Variants in B3GAT1 observed in about 807,000 individuals in gnomAD.
The protein encoded by B3GAT1 is galactosylgalactosylxylosylprotein 3-beta-glucuronosyltransferase 1.
Under a neutral mutation model 28.4 loss-of-function variants are expected in B3GAT1, and 11 were observed. The observed-to-expected ratio is 0.39, with a 90% confidence interval of 0.24 to 0.64. The LOEUF (loss-of-function observed/expected upper bound fraction) is 0.64, where lower values mean the gene tolerates loss of function less well. Ranked by LOEUF, B3GAT1 falls within the 30% of genes least tolerant of loss-of-function variation. The probability of loss-of-function intolerance (pLI) is 0.50; values close to 1 mark genes in which losing one functional copy is unlikely to be tolerated. For synonymous variants in B3GAT1, 255 were observed against 223.1 expected (o/e 1.14, Z -1.27); for missense variants, 375 against 491.0 (o/e 0.76, Z 2.23).
At position 134,383,666 on chromosome 11, in the gene B3GAT1, G is replaced by C. The variant is rs773157060; in HGVS notation, c.621+14C>G. Reference sequence around the variant, plus strand: ...GCCGGAGGTCCCGCTGCTCACTGTCGGGCCCTCCCTCACCTCTTCGAAGAG... The same window carrying C: ...GCCGGAGGTCCCGCTGCTCACTGTCCGGCCCTCCCTCACCTCTTCGAAGAG... On this transcript the variant is annotated intron_variant, in intron 3 of 5. Coordinates refer to ENST00000312527, the MANE Select transcript of B3GAT1 (RefSeq NM_054025.3). The C allele has an allele frequency of 6.5e-7, 1 of 1,541,866 alleles. No homozygotes were observed. The highest frequency in any genetic ancestry group is 8.8e-7 in the Non-Finnish European group (1 of 1,140,090).
At chr11:134,389,635 AGGCAGCCTCG>A (rs1179209402) in intron 1 of B3GAT1, 2 of 152,620 alleles carry the variant, frequency 1.3e-5, no homozygotes, top group African/African-American at 4.8e-5. Flanking sequence ...TGGGGAGGGC[AGGCAGCCTCG>A]GGCAGCCCAG....
At chr11:134,395,600 G>C (rs1351269496) in intron 1 of B3GAT1, among the ~76,000 whole-genome samples, 1 of 152,060 alleles carries the variant, frequency 6.6e-6, no homozygotes, top group African/African-American at 2.4e-5. Flanking sequence ...CAGAACCCTG[G>C]AGCCCAGCCT....
chr11:134,394,058 C>T (rs997970416), intron 1 of B3GAT1, among the ~76,000 whole-genome samples: 1 of 152,168 alleles, frequency 6.6e-6, no homozygotes, highest in Non-Finnish European at 1.5e-5. Flanking sequence ...CCAGCACCAC[C>T]GCCTCCCGGG....
intron 1 of B3GAT1, among the ~76,000 whole-genome samples, chr11:134,409,150 G>A (rs977764195): frequency 6.6e-6 from 1 of 152,216 alleles, no homozygotes; most frequent in Non-Finnish European, 1.5e-5. Context: ...CTGCCAGGAA[G>A]CCGGGGCTTA....
intron 1 of B3GAT1, among the ~76,000 whole-genome samples, chr11:134,407,310 C>G (rs1481968592): frequency 6.6e-6 from 1 of 152,230 alleles, no homozygotes; most frequent in Admixed American, 6.5e-5. Context: ...AGGACCCCAG[C>G]CCACATAGCC....
At chr11:134,387,270 G>A (rs559434710) in intron 2 of B3GAT1, 35 of 383,434 alleles carry the variant, frequency 9.1e-5, no homozygotes, top group African/African-American at 6.6e-4. Flanking sequence ...GGGGCAGGGC[G>A]TGCCCCCTCC....
At chr11:134,383,575 C>T (rs1290676456) in intron 3 of B3GAT1, 105 bp downstream of exon 3, 6 of 1,395,788 alleles carry the variant, frequency 4.3e-6, no homozygotes, top group Non-Finnish European at 4.7e-6. Context: ...CCCGGCTTCC[C>T]GGGTTCCCCC....
chr11:134,409,933 T>A (rs1944819820), intron 1 of B3GAT1: 1 of 152,648 alleles, frequency 6.6e-6, no homozygotes. Flanking sequence ...CATGCTCCTG[T>A]CCGCTCAGCC....
In B3GAT1 at chr11:134,383,965, C is replaced by T; in HGVS notation, c.336G>A (p.Val112=). 1.2e-6 allele frequency: 2 copies of T among 1,600,354 alleles called. No homozygotes were observed. Among genetic ancestry groups the T allele is most frequent in the South Asian group, 1.1e-5 (1 of 90,472 alleles). The part of the protein sequence containing the change: ...LTRMANTLLH[V]PNLHWLVVED... Reference sequence around the variant, plus strand: ...CCACCACCAGCCAGTGGAGGTTGGGCACGTGCAGCAGCGTGTTGGCCATGC... The same window carrying T: ...CCACCACCAGCCAGTGGAGGTTGGGTACGTGCAGCAGCGTGTTGGCCATGC... The change falls in exon 3 of 6, where the codon GTG becomes GTA. Residue 112 remains valine (V), a synonymous_variant. Transcript: ENST00000312527.
Position 134,402,268 on chromosome 11 carries a change from G to A in B3GAT1, c.-282+9539C>T, listed in dbSNP as rs192530807. ...AGTGTGCGGTTGCTGCTTCCCTCCCGTCACCCTGCCCAGTCTGGTCCTGTG... is the reference window on the plus strand; with the variant it reads ...AGTGTGCGGTTGCTGCTTCCCTCCCATCACCCTGCCCAGTCTGGTCCTGTG... On this transcript the variant is annotated intron_variant, in intron 1 of 5. Transcript: ENST00000312527. 2.6e-3 allele frequency among the ~76,000 whole-genome samples: 401 copies of A among 152,208 alleles called. 4 individuals are homozygous for A. The highest frequency in any genetic ancestry group is 8.6e-3 in the African/African-American group (355 of 41,514).
At chr11:134,389,523 G>C (rs571023871) in intron 1 of B3GAT1, 8 of 152,584 alleles carry the variant, frequency 5.2e-5, no homozygotes, top group African/African-American at 1.9e-4. Flanking sequence ...ACTGGGCGAA[G>C]AGACCTCCTG....
intron 1 of B3GAT1, among the ~76,000 whole-genome samples, chr11:134,408,307 G>C (rs1944775600): frequency 1.0e-5 from 1 of 98,814 alleles, no homozygotes; most frequent in African/African-American, 4.7e-5. Context: ...GGGACAGCCT[G>C]CACCGATTCC....
chr11:134,406,255 G>A (rs1420300811), intron 1 of B3GAT1, among the ~76,000 whole-genome samples: 6 of 152,250 alleles, frequency 3.9e-5, no homozygotes, highest in Non-Finnish European at 8.8e-5. Context: ...TCGACATGGT[G>A]CTGGCTGGTG....
chr11:134,381,150 C>A lies in B3GAT1; in HGVS notation c.*15-403G>T, dbSNP rs549534911. Among the ~76,000 whole-genome samples, 3 of 152,322 alleles carry A rather than the reference C, an allele frequency of 2.0e-5. No homozygotes were observed. In the East Asian group the frequency reaches 5.8e-4, roughly 29 times the overall value. ...ACAGGATAAGATCACAGAAAAGCCCCTGAAAATGCCTGGCTTTGCCAACCA... is the reference window on the plus strand; with the variant it reads ...ACAGGATAAGATCACAGAAAAGCCCATGAAAATGCCTGGCTTTGCCAACCA... On this transcript the variant is annotated intron_variant, in intron 5 of 5. Coordinates refer to ENST00000312527, the MANE Select transcript of B3GAT1 (RefSeq NM_054025.3).
chr11:134,400,385 C>T (rs1276968413), intron 1 of B3GAT1, among the ~76,000 whole-genome samples: 2 of 152,206 alleles, frequency 1.3e-5, no homozygotes, highest in Non-Finnish European at 2.9e-5. Context: ...GTTTCCTCAC[C>T]TTTAACTCTC....
intron 1 of B3GAT1, among the ~76,000 whole-genome samples, chr11:134,401,372 A>AC: frequency 6.6e-6 from 1 of 152,378 alleles, no homozygotes; most frequent in South Asian, 2.1e-4. Flanking sequence ...GACGTGGTAC[A>AC]CATACACCAT....
At position 134,380,033 on chromosome 11, in the gene B3GAT1, G is replaced by C. The variant is rs1263439902; in HGVS notation, c.*729C>G. The C allele has an allele frequency of 6.5e-6, 1 of 152,904 alleles. No homozygotes were observed. Among genetic ancestry groups the C allele is most frequent in the Non-Finnish European group, 1.5e-5 (1 of 68,300 alleles). The allele number at this position is 152,904 out of a possible 1,614,324, so 9.5% of individuals were successfully genotyped here. A position where few individuals can be genotyped will look rare whatever the true frequency, so the allele number is the denominator to read the frequency against. On this transcript the variant is annotated 3_prime_UTR_variant, in exon 6 of 6. Coordinates refer to ENST00000312527, the MANE Select transcript of B3GAT1 (RefSeq NM_054025.3). ...CCCTTTGCCACTGCTGGAGGAGAAG[G>C]GGTAAAGGAAGAGGGGCCGGAGGGG...
At chr11:134,397,854 T>G (rs1308233423) in intron 1 of B3GAT1, among the ~76,000 whole-genome samples, 1 of 152,148 alleles carries the variant, frequency 6.6e-6, no homozygotes, top group African/African-American at 2.4e-5. Context: ...TACCTGGGCC[T>G]GAGTGGCAGT....
chr11:134,390,213 T>C (rs1213350022), intron 1 of B3GAT1: 3 of 152,280 alleles, frequency 2.0e-5, no homozygotes, highest in Admixed American at 6.5e-5. Flanking sequence ...TGGTCTGAGA[T>C]GCAAGTGACT....
Sources: gnomAD v4.1 joint callset for allele counts (sites outside exome capture counted in the v4.1 genomes callset) on GRCh38, gnomAD v4.1.1 for gene constraint, MANE v1.5 for transcripts, NCBI Gene and HGNC (gene_info 2026-07-23, HGNC 2026-07-21) for gene names.